Variants in CSGALNACT1 observed in about 807,000 individuals in gnomAD.
The protein encoded by CSGALNACT1 is chondroitin sulfate N-acetylgalactosaminyltransferase 1.
In CSGALNACT1, 52 loss-of-function variants were observed where a neutral mutation model predicts 51.0. The ratio of observed to expected loss-of-function variants is 1.02; its 90% confidence interval spans 0.82 to 1.29. The LOEUF (loss-of-function observed/expected upper bound fraction) is 1.29. CSGALNACT1 is among the 50% of genes most tolerant of loss of function. CSGALNACT1 has a pLI of 0.00. For missense variants in CSGALNACT1, 935 were observed against 679.2 expected, an observed-to-expected ratio of 1.38 and a Z score of -4.19; for synonymous variants, 341 against 254.4, an observed-to-expected ratio of 1.34 and a Z score of -3.24.
At chr8:19,505,465 G>C in exon 4 of CSGALNACT1, 1 of 1,614,184 alleles carries the variant, frequency 6.2e-7, no homozygotes, top group Non-Finnish European at 8.5e-7. Flanking sequence ...TGCGAGTGCA[G>C]GAAGGCCAGG....
chr8:19,744,573 T>C (rs1397773228), intron 1 of CSGALNACT1, among the ~76,000 whole-genome samples: 2 of 152,158 alleles, frequency 1.3e-5, no homozygotes, highest in Non-Finnish European at 1.5e-5. Context: ...AGAGTATGAA[T>C]ATATAATTTA....
At chr8:19,712,844 A>C (rs2062590458) in intron 1 of CSGALNACT1, among the ~76,000 whole-genome samples, 1 of 152,222 alleles carries the variant, frequency 6.6e-6, no homozygotes, top group Admixed American at 6.5e-5. Context: ...CAGAGGGCCA[A>C]GCTTGGCAAG....
chr8:19,419,258 A>T (rs2057474621), intron 7 of CSGALNACT1, among the ~76,000 whole-genome samples: 1 of 152,192 alleles, frequency 6.6e-6, no homozygotes, highest in Non-Finnish European at 1.5e-5. Context: ...CCAGCGCAGG[A>T]ATGATATTTG....
chr8:19,671,425 A>C (rs2059788394), intron 1 of CSGALNACT1, among the ~76,000 whole-genome samples: 1 of 152,210 alleles, frequency 6.6e-6, no homozygotes, highest in Admixed American at 6.5e-5. Flanking sequence ...TATTATGGAA[A>C]ATATGGAAAA....
At chr8:19,509,742 A>C (rs768307398) in intron 3 of CSGALNACT1, among the ~76,000 whole-genome samples, 1 of 152,104 alleles carries the variant, frequency 6.6e-6, no homozygotes, top group Non-Finnish European at 1.5e-5. Context: ...TCTCTGTGCA[A>C]TCTCCTTCTC....
chr8:19,629,822 T>C (rs905965132), intron 1 of CSGALNACT1, among the ~76,000 whole-genome samples: 1 of 152,216 alleles, frequency 6.6e-6, no homozygotes, highest in Non-Finnish European at 1.5e-5. Flanking sequence ...TAATGTATCA[T>C]TCTCTCAAAA....
At chr8:19,728,175 G>A (rs538465427) in intron 1 of CSGALNACT1, among the ~76,000 whole-genome samples, 4 of 152,204 alleles carry the variant, frequency 2.6e-5, no homozygotes, top group African/African-American at 7.2e-5. Flanking sequence ...GTAAAATCTC[G>A]TAGGGTTGTT....
At chr8:19,608,709 G>A (rs752108590) in intron 1 of CSGALNACT1, among the ~76,000 whole-genome samples, 4 of 152,108 alleles carry the variant, frequency 2.6e-5, no homozygotes, top group African/African-American at 9.7e-5. Context: ...ATTCCCTCTG[G>A]CTAAATTCTA....
intron 1 of CSGALNACT1, among the ~76,000 whole-genome samples, chr8:19,609,911 G>A (rs1289272989): frequency 6.6e-6 from 1 of 152,044 alleles, no homozygotes; most frequent in East Asian, 1.9e-4. Context: ...GACGGGAGGA[G>A]CATGGTCCTT....
Position 19,542,477 on chromosome 8 carries a change from G to T in CSGALNACT1, c.-296-36347C>A, listed in dbSNP as rs568590302. ...CAGTCTCCCAGTCCCAGAGCCCTCG[G>T]TCTATTTTTCTCCTTTCCTGCACAA... On this transcript the variant is annotated intron_variant, in intron 3 of 9. Coordinates refer to ENST00000454498, the Ensembl canonical transcript of CSGALNACT1. 4.6e-5 allele frequency among the ~76,000 whole-genome samples: 7 copies of T among 152,222 alleles called. No homozygotes were observed. The East Asian group carries it at 1.4e-3, about 29-fold the overall frequency.
intron 1 of CSGALNACT1, among the ~76,000 whole-genome samples, chr8:19,730,306 C>T (rs1330576448): frequency 1.3e-5 from 2 of 152,194 alleles, no homozygotes; most frequent in Admixed American, 1.3e-4. Flanking sequence ...GAATAGGACA[C>T]GTAGCTCCCT....
Position 19,644,069 on chromosome 8 carries a change from T to C in CSGALNACT1, c.-544+38404A>G, listed in dbSNP as rs150273608. ...CATTGGAGAATGCTAAGTTATGGCA[T>C]ATAGATTTTATAAAATATTGTCTAA... On this transcript the variant is annotated intron_variant, in intron 1 of 9. Transcript: ENST00000332246. Among the ~76,000 whole-genome samples, 37 of 152,352 alleles carry C rather than the reference T, an allele frequency of 2.4e-4. No homozygotes were observed. In the East Asian group the frequency reaches 6.5e-3, roughly 27 times the overall value.
intron 4 of CSGALNACT1, among the ~76,000 whole-genome samples, chr8:19,470,706 G>A (rs2067936120): frequency 1.3e-5 from 2 of 152,030 alleles, no homozygotes; most frequent in Non-Finnish European, 2.9e-5. Context: ...CAGTGCCACA[G>A]AGAGGCCACT....
chr8:19,720,140 G>T (rs1045851682), intron 1 of CSGALNACT1, among the ~76,000 whole-genome samples: 2 of 152,232 alleles, frequency 1.3e-5, no homozygotes, highest in African/African-American at 4.8e-5. Context: ...GAGCCACTGT[G>T]CCAGTCTGGA....
chr8:19,420,317 C>G (rs747498991), intron 7 of CSGALNACT1, 23 bp downstream of exon 6: 1 of 1,612,968 alleles, frequency 6.2e-7, no homozygotes, highest in Non-Finnish European at 8.5e-7. Context: ...GCCACCTGAG[C>G]GTGACAGAGA....
upstream of CSGALNACT1, among the ~76,000 whole-genome samples, chr8:19,685,486 A>C (rs1185479485): frequency 2.0e-5 from 3 of 152,194 alleles, no homozygotes; most frequent in Non-Finnish European, 4.4e-5. Flanking sequence ...ACCCTGCCCC[A>C]AAAACAAAAC....
chr8:19,577,552 C>T (rs1192252821), intron 3 of CSGALNACT1, among the ~76,000 whole-genome samples: 2 of 90,064 alleles, frequency 2.2e-5, no homozygotes, highest in Non-Finnish European at 4.4e-5. Flanking sequence ...CAGCAAGACC[C>T]TATCTCAAAA....
At chr8:19,741,536 C>A (rs1196519233) in intron 1 of CSGALNACT1, among the ~76,000 whole-genome samples, 1 of 130,486 alleles carries the variant, frequency 7.7e-6, no homozygotes, top group Non-Finnish European at 1.6e-5. Context: ...GAATTCCAGC[C>A]TGGGCGAAAG....
At chr8:19,437,755 C>A (rs138870892) in intron 6 of CSGALNACT1, among the ~76,000 whole-genome samples, 1 of 152,114 alleles carries the variant, frequency 6.6e-6, no homozygotes, top group African/African-American at 2.4e-5. Context: ...GTTTACATAG[C>A]GTTACTTTAA....
Sources: gnomAD v4.1 joint callset for allele counts (sites outside exome capture counted in the v4.1 genomes callset) on GRCh38, gnomAD v4.1.1 for gene constraint, MANE v1.5 for transcripts, NCBI Gene and HGNC (gene_info 2026-07-23, HGNC 2026-07-21) for gene names.